The following FRMPD4 variants were observed in gnomAD, a reference collection of about 807,000 sequenced individuals.
FRMPD4 encodes the protein FERM and PDZ domain-containing protein 4.
In FRMPD4, 22 loss-of-function variants were observed where a neutral mutation model predicts 94.1. The observed-to-expected ratio is 0.23, with a 90% CI of 0.17 to 0.33. FRMPD4 has a LOEUF of 0.33. Among genes scored for constraint, FRMPD4 ranks in the 10% least tolerant of loss-of-function variants. The pLI, the probability that FRMPD4 is intolerant of heterozygous loss-of-function variation, is 1.00. For synonymous variants in FRMPD4, 631 were observed against 548.6 expected (o/e 1.15, Z -2.10); for missense variants, 1,111 against 1,339.9 (o/e 0.83, Z 2.67).
intron 3 of FRMPD4, among the ~76,000 whole-genome samples, chrX:11,904,550 T>A (rs758224554): frequency 7.1e-5 from 8 of 112,564 alleles, no homozygotes; most frequent in African/African-American, 9.7e-5. Context: ...TGGTTCTATA[T>A]GATTAGCTGA....
intron 3 of FRMPD4, among the ~76,000 whole-genome samples, chrX:12,110,599 A>G (rs55863182): frequency 0.55 from 60,348 of 109,408 alleles, 13,578 homozygotes; most frequent in Non-Finnish European, 0.72. Context: ...GAAATAAAGG[A>G]TATTCAATTA....
intron 3 of FRMPD4, among the ~76,000 whole-genome samples, chrX:12,131,942 A>G (rs894026634): frequency 1.8e-5 from 2 of 112,506 alleles, no homozygotes; most frequent in African/African-American, 6.5e-5. Flanking sequence ...TTTTTGTTGA[A>G]TACTGATGAA....
At chrX:11,981,912 T>C (rs1291038534) in intron 3 of FRMPD4, among the ~76,000 whole-genome samples, 2 of 111,782 alleles carry the variant, frequency 1.8e-5, no homozygotes, top group African/African-American at 6.5e-5. Flanking sequence ...AGTCTTTCAC[T>C]CCACTCATCC....
intron 13 of FRMPD4, among the ~76,000 whole-genome samples, chrX:12,709,241 C>T (rs760952353): frequency 1.8e-5 from 2 of 111,545 alleles, no homozygotes; most frequent in South Asian, 3.8e-4. Context: ...TTAAATTCTA[C>T]GAGCTGGGGG....
At chrX:12,641,601 G>A (rs2059500249) in intron 4 of FRMPD4, among the ~76,000 whole-genome samples, 1 of 112,117 alleles carries the variant, frequency 8.9e-6, no homozygotes, top group African/African-American at 3.2e-5. Flanking sequence ...TTCAAGTTCT[G>A]TTGTGTTTTC....
chrX:12,486,005 AC>A (rs2057735800), intron 1 of FRMPD4, among the ~76,000 whole-genome samples: 1 of 111,626 alleles, frequency 9.0e-6, no homozygotes, highest in South Asian at 3.8e-4. Flanking sequence ...CTATTGTCAA[AC>A]CAGTGCTCAT....
At chrX:12,115,566 G>C (rs189053518) in intron 3 of FRMPD4, among the ~76,000 whole-genome samples, 1,257 of 109,680 alleles carry the variant, frequency 0.011, 18 homozygotes, top group African/African-American at 0.035. Flanking sequence ...TTGCTCCCCT[G>C]CCCCCTCTGT....
chrX:12,684,973 C>T (rs1227322089), intron 6 of FRMPD4, among the ~76,000 whole-genome samples: 1 of 111,752 alleles, frequency 8.9e-6, no homozygotes, highest in African/African-American at 3.3e-5. Flanking sequence ...TCATGACTGT[C>T]TTCATTTCCA....
At chrX:11,946,265 CG>C (rs1476693910) in intron 3 of FRMPD4, among the ~76,000 whole-genome samples, 2 of 111,138 alleles carry the variant, frequency 1.8e-5, no homozygotes, top group Non-Finnish European at 3.8e-5. Flanking sequence ...TTCTTTGCTC[CG>C]GCAGACTCAC....
intron 1 of FRMPD4, among the ~76,000 whole-genome samples, chrX:12,211,560 A>C (rs1486348058): frequency 1.8e-5 from 2 of 112,416 alleles, no homozygotes; most frequent in Non-Finnish European, 3.8e-5. Context: ...GTGTAGTTAA[A>C]TAAGTACAAT....
intron 1 of FRMPD4, among the ~76,000 whole-genome samples, chrX:12,159,697 G>A (rs73632673): frequency 1.2e-4 from 13 of 112,009 alleles, no homozygotes; most frequent in African/African-American, 4.2e-4. Context: ...AAATTATGGC[G>A]CTATGCAAAA....
chrX:12,666,449 C>A (rs923058936), intron 4 of FRMPD4, among the ~76,000 whole-genome samples: 13 of 111,538 alleles, frequency 1.2e-4, no homozygotes, highest in Non-Finnish European at 2.3e-4. Flanking sequence ...ATCTACAGAA[C>A]CCTCCACCCC....
intron 1 of FRMPD4, among the ~76,000 whole-genome samples, chrX:12,159,923 TG>T (rs1018925198): frequency 1.8e-5 from 2 of 111,490 alleles, no homozygotes; most frequent in African/African-American, 3.3e-5. Flanking sequence ...CTTGTGGAAG[TG>T]GGTGTGGAAA....
intron 1 of FRMPD4, among the ~76,000 whole-genome samples, chrX:12,375,501 C>T (rs1364234840): frequency 1.8e-5 from 2 of 112,301 alleles, no homozygotes; most frequent in Non-Finnish European, 3.8e-5. Flanking sequence ...TGCAAGCCCA[C>T]AGTGGTACAC....
At chrX:12,510,555 C>CA (rs1357062296) in intron 2 of FRMPD4, among the ~76,000 whole-genome samples, 26 of 111,983 alleles carry the variant, frequency 2.3e-4, no homozygotes, top group African/African-American at 8.1e-4. Flanking sequence ...CACAGAGCCA[C>CA]AAAATTAACA....
chrX:12,710,607 A>G, intron 14 of FRMPD4, 70 bp downstream of exon 14: 4 of 1,021,686 alleles, frequency 3.9e-6, no homozygotes, highest in Non-Finnish European at 5.4e-6. Context: ...AATAATAAGG[A>G]TGTTTTCTGA....
intron 3 of FRMPD4, among the ~76,000 whole-genome samples, chrX:11,879,006 A>G (rs2053799720): frequency 8.9e-6 from 1 of 112,224 alleles, no homozygotes; most frequent in African/African-American, 3.2e-5. Context: ...TTGAGTTTCC[A>G]TAATTTTTCA....
intron 3 of FRMPD4, among the ~76,000 whole-genome samples, chrX:12,072,232 T>G (rs1175040282): frequency 8.9e-6 from 1 of 111,932 alleles, no homozygotes; most frequent in African/African-American, 3.3e-5. Flanking sequence ...TTCTATTTCT[T>G]TTTCAGATGC....
At chrX:12,608,603 C>T (rs10047011) in intron 2 of FRMPD4, among the ~76,000 whole-genome samples, 11 of 112,013 alleles carry the variant, frequency 9.8e-5, no homozygotes, top group Non-Finnish European at 2.1e-4. Context: ...AATTTTACTG[C>T]GGCCAGAAGC....
Sources: gnomAD v4.1 joint callset for allele counts (sites outside exome capture counted in the v4.1 genomes callset) on GRCh38, gnomAD v4.1.1 for gene constraint, MANE v1.5 for transcripts, NCBI Gene and HGNC (gene_info 2026-07-23, HGNC 2026-07-21) for gene names.